ATAD2B: variants seen among roughly 807,000 people sequenced by gnomAD.
ATAD2B encodes the protein ATPase family AAA domain-containing protein 2B.
A neutral mutation model predicts 167.6 loss-of-function variants in ATAD2B; 40 were observed. That is an observed-to-expected ratio of 0.24 (90% CI 0.19 to 0.31). ATAD2B has a LOEUF of 0.31. Among genes scored for constraint, ATAD2B ranks in the 10% least tolerant of loss-of-function variants. The pLI is 1.00. For missense variants in ATAD2B, 1,242 were observed against 1,757.2 expected (o/e 0.71, Z 5.24); for synonymous variants, 579 against 596.5 (o/e 0.97, Z 0.43).
intron 11 of ATAD2B, among the ~76,000 whole-genome samples, chr2:23,864,355 C>T (rs1402337840): frequency 6.6e-6 from 1 of 152,086 alleles, no homozygotes; most frequent in Non-Finnish European, 1.5e-5. Context: ...TCTGCCTTTT[C>T]CAATAGTTCC....
At chr2:23,759,064 T>G (rs1012264789) in intron 24 of ATAD2B, among the ~76,000 whole-genome samples, 10 of 152,204 alleles carry the variant, frequency 6.6e-5, no homozygotes, top group African/African-American at 2.2e-4. Context: ...TTGGGACACT[T>G]GCATAATACA....
At chr2:23,729,001 TGGCAGG>T in the ATAD2B span, among the ~76,000 whole-genome samples, 1 of 152,142 alleles carries the variant, frequency 6.6e-6, no homozygotes, top group Non-Finnish European at 1.5e-5. Context: ...ATGTCTTATA[TGGCAGG>T]AGCAGGAGGA....
rs1685342286 is a variant in ATAD2B, at chr2:23,810,230, CTTATCT to C, written c.2454+80_2454+85del. 4 of 1,196,514 alleles carry C rather than the reference CTTATCT, an allele frequency of 3.3e-6. No individual in the cohort carries two copies. In the South Asian group the frequency reaches 7.5e-5, roughly 22 times the overall value. The allele number at this position is 1,196,514 out of a possible 1,614,324, so 74.1% of individuals were successfully genotyped here. ...TATTCATATCGTACTCTGAAAAAAT[CTTATCT>C]TTAACACTACACACTAGAAATACTA... On this transcript the variant is annotated intron_variant, in intron 18 of 27. Coordinates refer to ENST00000238789, the MANE Select transcript of ATAD2B (RefSeq NM_017552.4).
intron 1 of ATAD2B, among the ~76,000 whole-genome samples, chr2:23,897,454 C>T (rs1700284774): frequency 6.6e-6 from 1 of 152,196 alleles, no homozygotes; most frequent in Non-Finnish European, 1.5e-5. Flanking sequence ...ATTGACTACT[C>T]TTGCCATTAT....
the ATAD2B span, among the ~76,000 whole-genome samples, chr2:23,701,029 A>G: frequency 1.3e-5 from 2 of 149,324 alleles, no homozygotes; most frequent in East Asian, 3.9e-4. Flanking sequence ...TCCACACCCA[A>G]ATATCTGACT....
chr2:23,737,127 C>A, the ATAD2B span, among the ~76,000 whole-genome samples: 10 of 152,322 alleles, frequency 6.6e-5, no homozygotes, highest in Middle Eastern at 3.4e-3. Context: ...GGGGGCAGGG[C>A]ACAGACAAAC....
At chr2:23,881,294 G>C (rs1697851699) in intron 6 of ATAD2B, among the ~76,000 whole-genome samples, 1 of 151,718 alleles carries the variant, frequency 6.6e-6, no homozygotes, top group African/African-American at 2.4e-5. Flanking sequence ...TAAGCATTGA[G>C]AGGGAGCATG....
chr2:23,805,223 C>G, intron 18 of ATAD2B, among the ~76,000 whole-genome samples: 1 of 151,614 alleles, frequency 6.6e-6, no homozygotes. Context: ...TTGATACAGT[C>G]AAATAAAAAC....
At chr2:23,691,989 C>G in the ATAD2B span, 1 of 1,042,674 alleles carries the variant, frequency 9.6e-7, no homozygotes, top group Non-Finnish European at 1.4e-6. Flanking sequence ...CTGAAGCTCC[C>G]TCACATGTGG....
At chr2:23,724,772 G>A in the ATAD2B span, among the ~76,000 whole-genome samples, 7 of 151,876 alleles carry the variant, frequency 4.6e-5, no homozygotes, top group South Asian at 2.1e-4. Context: ...GGCTGGGCAC[G>A]GTGGCTCACG....
chr2:23,785,936 C>T (rs1680747392), intron 21 of ATAD2B, 91 bp downstream of exon 21: 2 of 1,190,384 alleles, frequency 1.7e-6, no homozygotes, highest in Non-Finnish European at 2.3e-6. Flanking sequence ...TCATCCATGC[C>T]TTTGCTTTTT....
At chr2:23,764,141 A>C (rs1035725702) in intron 23 of ATAD2B, among the ~76,000 whole-genome samples, 2 of 152,236 alleles carry the variant, frequency 1.3e-5, no homozygotes, top group African/African-American at 4.8e-5. Flanking sequence ...TGGGTCATAC[A>C]GTAAATCCAT....
intron 4 of ATAD2B, 22 bp downstream of exon 4, chr2:23,887,810 G>A: frequency 6.5e-7 from 1 of 1,549,564 alleles, no homozygotes; most frequent in Non-Finnish European, 8.7e-7. Context: ...AAATGAAACT[G>A]CTTAATACTT....
intron 12 of ATAD2B, among the ~76,000 whole-genome samples, chr2:23,862,277 C>T (rs1454357031): frequency 6.6e-6 from 1 of 151,906 alleles, no homozygotes. Flanking sequence ...GTGCTCAAAG[C>T]TTGAAGTTAT....
chr2:23,878,549 C>G (rs976747852), intron 7 of ATAD2B, among the ~76,000 whole-genome samples: 26 of 151,828 alleles, frequency 1.7e-4, no homozygotes, highest in African/African-American at 6.3e-4. Flanking sequence ...GTCCCAGCTA[C>G]TCGGGAGGCT....
At chr2:23,690,866 T>C in the ATAD2B span, 1 of 152,334 alleles carries the variant, frequency 6.6e-6, no homozygotes, top group Non-Finnish European at 1.5e-5. Flanking sequence ...TATATATTTG[T>C]GTCCCTCCCC....
chr2:23,877,067 CAAA>C (rs36018928), intron 7 of ATAD2B, among the ~76,000 whole-genome samples: 1 of 109,096 alleles, frequency 9.2e-6, no homozygotes. Context: ...AACTCCATCT[CAAA>C]AAAAAAAAAA....
the ATAD2B span, among the ~76,000 whole-genome samples, chr2:23,732,573 C>T: frequency 7.2e-5 from 11 of 151,926 alleles, no homozygotes; most frequent in East Asian, 1.2e-3. Flanking sequence ...TCCATGTATG[C>T]GTTATATTTT....
intron 17 of ATAD2B, among the ~76,000 whole-genome samples, chr2:23,812,840 C>G (rs967709285): frequency 1.3e-4 from 13 of 99,422 alleles, no homozygotes; most frequent in African/African-American, 4.8e-4. Flanking sequence ...CAGAGTGAGA[C>G]TCAGTCTCAA....
Sources: gnomAD v4.1 joint callset for allele counts (sites outside exome capture counted in the v4.1 genomes callset) on GRCh38, gnomAD v4.1.1 for gene constraint, MANE v1.5 for transcripts, NCBI Gene and HGNC (gene_info 2026-07-23, HGNC 2026-07-21) for gene names.